MTOR: variants seen among roughly 807,000 people sequenced by gnomAD.
The protein encoded by MTOR is mechanistic target of rapamycin kinase.
In MTOR, 70 loss-of-function variants were observed where a neutral mutation model predicts 319.8. The ratio of observed to expected loss-of-function variants is 0.22; its 90% CI spans 0.18 to 0.27. MTOR has a LOEUF of 0.27. Ranked by LOEUF, MTOR falls within the 10% of genes least tolerant of loss-of-function variation. The pLI is 1.00. For synonymous variants in MTOR, 1,183 were observed against 1,211.4 expected (o/e 0.98, Z 0.49); for missense variants, 1,890 against 3,274.4 (o/e 0.58, Z 10.32).
At position 11,124,626 on chromosome 1, in the gene MTOR, G is replaced by A. The variant is rs376143924; in HGVS notation, c.6534C>T (p.Asn2178=). 37 of 1,608,686 alleles carry A rather than the reference G, an allele frequency of 2.3e-5. No homozygotes were observed. The highest frequency in any genetic ancestry group is 2.7e-5 in the Non-Finnish European group (32 of 1,175,444). Residue 2178 remains asparagine, a synonymous_variant, in exon 47 of 58, where the codon AAC becomes AAT. Transcript: ENST00000361445. ...TTAGAAGGAAAACAAACTCATGTCCGTTGCTGCCTGTAAGGAACAGTGGGA... is the reference window on the plus strand; with the variant it reads ...TTAGAAGGAAAACAAACTCATGTCCATTGCTGCCTGTAAGGAACAGTGGGA... ...RPRKLTLMGS[N]GHEFVFLLKG... is the part of the protein sequence containing the mutation.
chr1:11,137,117 T>C (rs1005084226), intron 36 of MTOR, among the ~76,000 whole-genome samples: 147 of 119,812 alleles, frequency 1.2e-3, no homozygotes, highest in African/African-American at 4.6e-3. Context: ...GCTGGGATCA[T>C]AGGCGTGAGC....
intron 13 of MTOR, among the ~76,000 whole-genome samples, chr1:11,237,194 G>T (rs951989774): frequency 5.3e-5 from 8 of 152,060 alleles, no homozygotes; most frequent in African/African-American, 1.9e-4. Context: ...AACTTCACCA[G>T]GCAGGACTGG....
chr1:11,215,553 C>T (rs910421018), intron 20 of MTOR, among the ~76,000 whole-genome samples: 3 of 152,126 alleles, frequency 2.0e-5, no homozygotes, highest in Admixed American at 6.5e-5. Flanking sequence ...CAATCTTCCC[C>T]GTAGAGACAT....
Position 11,121,044 on chromosome 1 carries a change from G to A in MTOR, c.6933+202C>T, listed in dbSNP as rs1048487403. Among the ~76,000 whole-genome samples the A allele has an allele frequency of 6.6e-6, 1 of 152,162 alleles. No homozygotes were observed. Among genetic ancestry groups the A allele is most frequent in the African/African-American group, 2.4e-5 (1 of 41,448 alleles). ...AATTCTTTAATATATAAAGAGTTCT[G>A]GAGGAAATATTAAACTACTCATTCT... On this transcript the variant is annotated intron_variant, in intron 49 of 57. Transcript: ENST00000361445. The surrounding 1 kb of genome is among the most constrained non-coding windows in gnomAD (Gnocchi z 4.9).
Position 11,177,519 on chromosome 1 carries a change from C to T in MTOR, c.4254-10002G>A, listed in dbSNP as rs111664189. Among the ~76,000 whole-genome samples, 640 of 152,308 alleles carry T rather than the reference C, an allele frequency of 4.2e-3. 3 individuals carry two copies. The highest frequency in any genetic ancestry group is 0.014 in the African/African-American group (589 of 41,558). On this transcript the variant is annotated intron_variant, in intron 28 of 57. Coordinates refer to ENST00000361445, the MANE Select transcript of MTOR (RefSeq NM_004958.4). Reference sequence around the variant, plus strand: ...GCTGCAGTGGGCTACAATCGCACCACTGCACTCCAGACTGGGTGACAGAGT... The same window carrying T: ...GCTGCAGTGGGCTACAATCGCACCATTGCACTCCAGACTGGGTGACAGAGT...
In MTOR at chr1:11,212,508, C is replaced by A. The variant is rs779357469; in HGVS notation, c.3399-34G>T. On this transcript the variant is annotated intron_variant, in intron 22 of 57. Transcript: ENST00000361445. This position sits in a 1 kb window ranked among gnomAD's most constrained non-coding sequence, Gnocchi z 4.1. Reference sequence around the variant, plus strand: ...ATCACTAACATACAGTAACTGCTAACATACAATCTCCAAGGAAGAGACGTG... The same window carrying A: ...ATCACTAACATACAGTAACTGCTAAAATACAATCTCCAAGGAAGAGACGTG... 8 of 1,599,728 alleles carry A rather than the reference C, an allele frequency of 5.0e-6. No homozygotes were observed. In the South Asian group the frequency reaches 9.0e-5, roughly 18 times the overall value.
At chr1:11,114,575 G>A (rs1642065120) in intron 52 of MTOR, 122 bp from the exon 53 acceptor site, 3 of 1,385,278 alleles carry the variant, frequency 2.2e-6, no homozygotes, top group Non-Finnish European at 3.0e-6. Context: ...ATCAGGGTGA[G>A]AATGTCTTAG....
chr1:11,109,585 T>C lies in MTOR; in HGVS notation c.7447+64A>G. On this transcript the variant is annotated intron_variant, in intron 55 of 57. Coordinates refer to ENST00000361445, the MANE Select transcript of MTOR (RefSeq NM_004958.4). The surrounding 1 kb of genome is among the most constrained non-coding windows in gnomAD (Gnocchi z 4.0). ...CATCTTGTTGACCCCTCTCAGGGTA[T>C]AACACAGCTGCTATTTTCTTAATGA... is the stretch of plus-strand genomic sequence containing the variant. 6.6e-7 allele frequency: 1 copy of C among 1,512,844 alleles called. No homozygotes were observed. Among genetic ancestry groups the C allele is most frequent in the Non-Finnish European group, 9.2e-7 (1 of 1,088,014 alleles). The allele number at this position is 1,512,844 out of a possible 1,614,324, so 93.7% of individuals were successfully genotyped here. A position where few individuals can be genotyped will look rare whatever the true frequency, so the allele number is the denominator to read the frequency against.
At chr1:11,142,681 C>T (rs1323266038) in intron 34 of MTOR, among the ~76,000 whole-genome samples, 1 of 152,050 alleles carries the variant, frequency 6.6e-6, no homozygotes, top group Non-Finnish European at 1.5e-5. Context: ...TGGTAAATTC[C>T]ATGAACCCAT....
intron 28 of MTOR, among the ~76,000 whole-genome samples, chr1:11,175,646 C>T (rs1644959394): frequency 6.6e-6 from 1 of 152,202 alleles, no homozygotes; most frequent in Admixed American, 6.5e-5. Context: ...GACACTTCCC[C>T]CGGCAAAGGC....
At chr1:11,151,914 G>A (rs1401132400) in intron 30 of MTOR, among the ~76,000 whole-genome samples, 1 of 152,184 alleles carries the variant, frequency 6.6e-6, no homozygotes, top group Non-Finnish European at 1.5e-5. Context: ...CAAGGATGTA[G>A]TTTTTCTTTT....
chr1:11,225,678 T>C (rs1646811995), intron 19 of MTOR, among the ~76,000 whole-genome samples: 1 of 152,160 alleles, frequency 6.6e-6, no homozygotes, highest in South Asian at 2.1e-4. Flanking sequence ...CGCCTTGGCC[T>C]CCCAAAGTGC....
chr1:11,201,223 C>T (rs1489588698), intron 26 of MTOR, among the ~76,000 whole-genome samples: 1 of 151,806 alleles, frequency 6.6e-6, no homozygotes, highest in Non-Finnish European at 1.5e-5. Context: ...CTTGAATGAA[C>T]GTATTTGGGA....
chr1:11,170,244 AG>A (rs1301784902), intron 28 of MTOR, among the ~76,000 whole-genome samples: 1 of 152,232 alleles, frequency 6.6e-6, no homozygotes, highest in Non-Finnish European at 1.5e-5. Context: ...ACTCCACTGT[AG>A]GTTCATTGGG....
intron 19 of MTOR, among the ~76,000 whole-genome samples, chr1:11,223,622 C>T (rs115068131): frequency 0.013 from 1,941 of 151,182 alleles, 28 homozygotes; most frequent in Non-Finnish European, 0.018. Context: ...TAAAGGTGGC[C>T]AATGAGTGAA....
Position 11,128,311 on chromosome 1 carries a change from G to C in MTOR, c.5910+143C>G. On this transcript the variant is annotated intron_variant, in intron 42 of 57. Transcript: ENST00000361445. This position sits in a 1 kb window ranked among gnomAD's most constrained non-coding sequence, Gnocchi z 5.3. ...TTAGCAAGGCTCCCGGGCCCTCTGG[G>C]ACGGCTGGCTGGACAGACCCTCCTG... 1 of 1,225,454 alleles carries C rather than the reference G, an allele frequency of 8.2e-7. No individual in the cohort carries two copies. The highest frequency in any genetic ancestry group is 1.4e-5 in the South Asian group (1 of 70,226). 75.9% of individuals were successfully genotyped at this position (1,225,454 alleles called of 1,614,324 possible). A position where few individuals can be genotyped will look rare whatever the true frequency, so the allele number is the denominator to read the frequency against.
chr1:11,178,053 G>A (rs1464897773), intron 28 of MTOR, among the ~76,000 whole-genome samples: 10 of 152,076 alleles, frequency 6.6e-5, no homozygotes, highest in African/African-American at 1.7e-4. Context: ...CTGCATACCC[G>A]TTTCCTCCCA....
rs74691791 is a variant in MTOR at position 11,241,036 on chromosome 1, A to C, written c.1542-489T>G. Reference sequence around the variant, plus strand: ...CCCACTTTTCAGATTAAAAAAAAAAAATGAGGCCAGGCGCGGTGGCTCACA... The same window carrying C: ...CCCACTTTTCAGATTAAAAAAAAAACATGAGGCCAGGCGCGGTGGCTCACA... On this transcript the variant is annotated intron_variant, in intron 10 of 57. Coordinates refer to ENST00000361445, the MANE Select transcript of MTOR (RefSeq NM_004958.4). 6.1e-3 allele frequency among the ~76,000 whole-genome samples: 925 copies of C among 152,044 alleles called. 10 individuals carry two copies. The highest frequency in any genetic ancestry group is 0.021 in the African/African-American group (861 of 41,478).
In MTOR at chr1:11,247,829, T is replaced by A; in HGVS notation, c.1106A>T (p.Lys369Ile). The A allele has an allele frequency of 6.2e-7, 1 of 1,612,786 alleles. No individual in the cohort carries two copies. Among genetic ancestry groups the A allele is most frequent in the Non-Finnish European group, 8.5e-7 (1 of 1,178,994 alleles). The change falls in exon 7 of 58, where the codon AAA (lysine) becomes ATA (isoleucine). Residue 369 changes from lysine (K) to isoleucine (I), a missense_variant. Lys to Ile is a moderately radical substitution (Grantham distance 102). Around this residue, in one of 15 missense-constraint regions of MTOR, gnomAD observed 418 missense variants for 543.1 expected, o/e 0.77. Transcript: ENST00000361445. ...CCTCTCACCACTTACCTGATCAAAT[T>A]TCTCCTCCATCAAGTCTCTGCAACA... ...SRCCRDLMEEKFDQVCQWVLK... is the reference protein window; with the variant it reads ...SRCCRDLMEEIFDQVCQWVLK...
Sources: gnomAD v4.1 joint callset for allele counts (sites outside exome capture counted in the v4.1 genomes callset) on GRCh38, gnomAD v4.1.1 for gene constraint, gnomAD v4.1.1 regional missense constraint, Gnocchi (gnomAD v3.1) non-coding constraint, MANE v1.5 for transcripts, NCBI Gene and HGNC (gene_info 2026-07-23, HGNC 2026-07-21) for gene names.